The following TANGO6 variants were observed in gnomAD, a reference collection of about 807,000 sequenced individuals.
The protein encoded by TANGO6 is transport and golgi organization 6 homolog.
In TANGO6, 90 loss-of-function variants were observed where a neutral mutation model predicts 114.2. That is an observed-to-expected ratio of 0.79 (90% CI 0.66 to 0.94). The LOEUF is 0.94. TANGO6 is among the 40% of genes least tolerant of loss of function. The probability of loss-of-function intolerance (pLI) is 0.00; values close to 1 mark genes in which losing one functional copy is unlikely to be tolerated. For missense variants in TANGO6, 1,274 were observed against 1,315.3 expected, an observed-to-expected ratio of 0.97 and a Z score of 0.49; for synonymous variants, 477 against 509.8, an observed-to-expected ratio of 0.94 and a Z score of 0.87.
At chr16:69,023,412 C>T (rs1959446993) in intron 16 of TANGO6, among the ~76,000 whole-genome samples, 1 of 151,842 alleles carries the variant, frequency 6.6e-6, no homozygotes, top group Non-Finnish European at 1.5e-5. Flanking sequence ...GCCAAGATCA[C>T]GCCACTGCAC....
At chr16:68,894,176 G>C (rs904907057) in intron 7 of TANGO6, among the ~76,000 whole-genome samples, 1 of 152,168 alleles carries the variant, frequency 6.6e-6, no homozygotes, top group Non-Finnish European at 1.5e-5. Context: ...TGCAGCATTG[G>C]CTGAATCAGT....
chr16:68,980,723 G>A (rs577325242), intron 15 of TANGO6, among the ~76,000 whole-genome samples: 1 of 151,986 alleles, frequency 6.6e-6, no homozygotes, highest in South Asian at 2.1e-4. Context: ...TATTGTGGAA[G>A]GAGGCTAGGC....
chr16:68,975,354 C>G (rs1963753275), intron 15 of TANGO6, among the ~76,000 whole-genome samples: 1 of 151,732 alleles, frequency 6.6e-6, no homozygotes. Context: ...TCTAGACTTA[C>G]ACTGCCTCAC....
At chr16:68,962,803 C>T (rs10083737) in intron 14 of TANGO6, among the ~76,000 whole-genome samples, 5,231 of 151,642 alleles carry the variant, frequency 0.034, 310 homozygotes, top group African/African-American at 0.12. Context: ...AAAAAGCGGC[C>T]GGGCGCGGTG....
At chr16:68,974,254 T>C in intron 15 of TANGO6, 86 bp downstream of exon 15, 12 of 1,516,650 alleles carry the variant, frequency 7.9e-6, no homozygotes, top group Non-Finnish European at 1.1e-5. Context: ...GGGGGCTTGT[T>C]ACACTAGTGT....
chr16:69,056,012 C>T (rs1960027282), intron 17 of TANGO6, among the ~76,000 whole-genome samples: 1 of 151,664 alleles, frequency 6.6e-6, no homozygotes, highest in African/African-American at 2.4e-5. Flanking sequence ...GCACTCCACC[C>T]TGGGCAACAA....
At chr16:69,007,452 G>A (rs966810280) in intron 15 of TANGO6, among the ~76,000 whole-genome samples, 2 of 151,380 alleles carry the variant, frequency 1.3e-5, no homozygotes, top group Non-Finnish European at 2.9e-5. Flanking sequence ...TGTATTTTTA[G>A]TAGAGACGGG....
intron 17 of TANGO6, among the ~76,000 whole-genome samples, chr16:69,063,612 G>A (rs1459841878): frequency 1.4e-5 from 2 of 138,396 alleles, no homozygotes; most frequent in Non-Finnish European, 3.1e-5. Flanking sequence ...CTTGAACCTG[G>A]GAGGCAAAGG....
intron 17 of TANGO6, among the ~76,000 whole-genome samples, chr16:69,078,727 C>G (rs1960423715): frequency 6.6e-6 from 1 of 152,078 alleles, no homozygotes; most frequent in African/African-American, 2.4e-5. Flanking sequence ...ATATACGTTT[C>G]TGTATTTTAT....
intron 17 of TANGO6, among the ~76,000 whole-genome samples, chr16:69,043,314 G>A (rs1392327437): frequency 6.6e-6 from 1 of 150,724 alleles, no homozygotes; most frequent in Non-Finnish European, 1.5e-5. Context: ...GTGTGTGTGT[G>A]TGTGTGTGTA....
intron 4 of TANGO6, among the ~76,000 whole-genome samples, chr16:68,869,875 A>G (rs1221068453): frequency 1.3e-5 from 2 of 152,146 alleles, no homozygotes; most frequent in Non-Finnish European, 2.9e-5. Flanking sequence ...TTCTGAGGAA[A>G]TCTCCACGTG....
intron 14 of TANGO6, among the ~76,000 whole-genome samples, chr16:68,943,363 A>ATTTTTTT (rs1198050231): frequency 7.6e-6 from 1 of 131,596 alleles, no homozygotes; most frequent in Non-Finnish European, 1.6e-5. Context: ...GAATCTGAGA[A>ATTTTTTT]TTTTTTTTTT....
chr16:69,040,160 C>A (rs2152234231), intron 16 of TANGO6, 148 bp from the exon 17 acceptor site: 1 of 655,916 alleles, frequency 1.5e-6, no homozygotes, highest in Non-Finnish European at 2.6e-6. Flanking sequence ...TAGATCTCAC[C>A]CTCTTTGTTG....
At chr16:69,080,739 T>C (rs1417414791) in intron 17 of TANGO6, among the ~76,000 whole-genome samples, 2 of 152,164 alleles carry the variant, frequency 1.3e-5, no homozygotes, top group African/African-American at 2.4e-5. Context: ...AAATAAAAAA[T>C]AAGAACACAG....
At chr16:68,978,873 TA>T (rs144967748) in intron 15 of TANGO6, among the ~76,000 whole-genome samples, 8 of 148,420 alleles carry the variant, frequency 5.4e-5, no homozygotes, top group South Asian at 4.3e-4. Context: ...TTCTTTCCAT[TA>T]AAAAAAAATT....
intron 17 of TANGO6, among the ~76,000 whole-genome samples, chr16:69,060,999 A>AT (rs1567568303): frequency 6.6e-6 from 1 of 151,928 alleles, no homozygotes. Context: ...TAAAAAAAAA[A>AT]CAAAAAAAAC....
intron 16 of TANGO6, among the ~76,000 whole-genome samples, chr16:69,028,198 G>A (rs1959536589): frequency 6.6e-6 from 1 of 152,098 alleles, no homozygotes; most frequent in Non-Finnish European, 1.5e-5. Flanking sequence ...CACCTCAGGT[G>A]ATCCATCCGC....
intron 16 of TANGO6, among the ~76,000 whole-genome samples, chr16:69,032,942 T>C (rs1442877244): frequency 6.6e-6 from 1 of 150,434 alleles, no homozygotes; most frequent in Non-Finnish European, 1.5e-5. Context: ...TCTCACCACT[T>C]TGGAAGGCCA....
chr16:68,934,364 CA>C (rs1428100818), intron 14 of TANGO6, among the ~76,000 whole-genome samples: 1 of 152,010 alleles, frequency 6.6e-6, no homozygotes, highest in Non-Finnish European at 1.5e-5. Flanking sequence ...CTTTATTCAA[CA>C]AAAATTTTGT....
Sources: allele counts gnomAD v4.1 joint callset (sites outside exome capture counted in the v4.1 genomes callset), GRCh38; gene constraint gnomAD v4.1.1; transcripts MANE v1.5; gene names NCBI Gene and HGNC (gene_info 2026-07-23, HGNC 2026-07-21).